TTLL11: variants seen among roughly 807,000 people sequenced by gnomAD.
TTLL11 encodes tubulin tyrosine ligase like 11, also known as tubulin polyglutamylase TTLL11.
Under a neutral mutation model 51.7 loss-of-function variants are expected in TTLL11, and 42 were observed. The ratio of observed to expected loss-of-function variants is 0.81; its 90% CI spans 0.64 to 1.05. TTLL11 has a LOEUF of 1.05. Ranked by LOEUF, TTLL11 falls within the 50% of genes least tolerant of loss-of-function variation. The pLI is 0.00. For missense variants in TTLL11, 799 were observed against 940.4 expected (o/e 0.85, Z 1.97); for synonymous variants, 381 against 383.5 (o/e 0.99, Z 0.08).
intron 6 of TTLL11, among the ~76,000 whole-genome samples, chr9:121,915,610 C>T (rs1024516483): frequency 6.6e-6 from 1 of 152,098 alleles, no homozygotes; most frequent in South Asian, 2.1e-4. Flanking sequence ...TATTTCCCAG[C>T]TCAATATATC....
chr9:121,987,853 C>T (rs1037099087), intron 4 of TTLL11, among the ~76,000 whole-genome samples: 1 of 152,050 alleles, frequency 6.6e-6, no homozygotes, highest in African/African-American at 2.4e-5. Context: ...CTTTGGTCAC[C>T]ATTTGCTGAT....
At chr9:122,072,553 C>T (rs10116706) in intron 1 of TTLL11, among the ~76,000 whole-genome samples, 6,234 of 152,066 alleles carry the variant, frequency 0.041, 151 homozygotes, top group African/African-American at 0.065. Flanking sequence ...CTGAGGCAGG[C>T]GAATTGCTTG....
intron 6 of TTLL11, among the ~76,000 whole-genome samples, chr9:121,922,335 C>T (rs1469246660): frequency 6.6e-6 from 1 of 152,168 alleles, no homozygotes; most frequent in Non-Finnish European, 1.5e-5. Flanking sequence ...TCATCTGTGG[C>T]CCTGGTGCCA....
chr9:121,861,988 C>T (rs1252302651), intron 7 of TTLL11, among the ~76,000 whole-genome samples: 1 of 152,122 alleles, frequency 6.6e-6, no homozygotes, highest in Non-Finnish European at 1.5e-5. Context: ...GTTCCTTGTT[C>T]CTGACTTTAG....
At chr9:122,073,091 T>A (rs1228320081) in intron 1 of TTLL11, among the ~76,000 whole-genome samples, 1 of 152,190 alleles carries the variant, frequency 6.6e-6, no homozygotes, top group Non-Finnish European at 1.5e-5. Flanking sequence ...AAGACAGATG[T>A]GGCCCTTGCA....
chr9:121,895,976 GTCT>G (rs1839502313), intron 6 of TTLL11, among the ~76,000 whole-genome samples: 1 of 48,516 alleles, frequency 2.1e-5, no homozygotes, highest in Admixed American at 2.2e-4. Context: ...GTGGGTGTGT[GTCT>G]GTGGTGGGTG....
intron 3 of TTLL11, among the ~76,000 whole-genome samples, chr9:122,008,775 C>A (rs185959412): frequency 6.6e-6 from 1 of 152,280 alleles, no homozygotes; most frequent in East Asian, 1.9e-4. Flanking sequence ...TTTGCGATAG[C>A]CAAGATACGG....
intron 8 of TTLL11, among the ~76,000 whole-genome samples, chr9:121,833,269 C>A (rs1289514281): frequency 6.6e-6 from 1 of 152,174 alleles, no homozygotes; most frequent in Non-Finnish European, 1.5e-5. Context: ...TCACCTGAGA[C>A]CGCCTCTTGG....
chr9:121,993,673 G>C (rs1769492784), intron 3 of TTLL11, among the ~76,000 whole-genome samples: 2 of 152,256 alleles, frequency 1.3e-5, no homozygotes, highest in Admixed American at 6.5e-5. Flanking sequence ...ATTTGGGTCT[G>C]AGATTTATGA....
chr9:121,826,355 G>T, intron 8 of TTLL11, among the ~76,000 whole-genome samples: 1 of 120,018 alleles, frequency 8.3e-6, no homozygotes, highest in Non-Finnish European at 1.7e-5. Flanking sequence ...TTATATATAT[G>T]GTAAAACCCA....
chr9:121,823,603 A>G (rs1036944558), intron 8 of TTLL11, among the ~76,000 whole-genome samples: 1 of 152,214 alleles, frequency 6.6e-6, no homozygotes, highest in African/African-American at 2.4e-5. Flanking sequence ...GAACAAGGTT[A>G]TGAAGATATG....
intron 6 of TTLL11, among the ~76,000 whole-genome samples, chr9:121,961,960 G>T (rs1842242523): frequency 6.6e-6 from 1 of 152,136 alleles, no homozygotes; most frequent in African/African-American, 2.4e-5. Flanking sequence ...GGAGGCTGAG[G>T]CAGGAGAACC....
chr9:121,870,693 G>T lies in TTLL11; in HGVS notation c.1537C>A (p.Leu513Met). The T allele has an allele frequency of 6.4e-7, 1 of 1,551,538 alleles. No individual in the cohort carries two copies. The highest frequency in any genetic ancestry group is 8.7e-7 in the Non-Finnish European group (1 of 1,146,848). The change falls in exon 7 of 9, where the codon CTG (leucine) becomes ATG (methionine). Residue 513 changes from leucine (L) to methionine (M), a missense_variant. By Grantham distance (15) the Leu-to-Met change is conservative. Transcript: ENST00000321582. ...GCGTTGCAGTCTGGAGCACTGGTCAGCTCGCCGTCCAAAGCATCTTCCTTT... is the reference window on the plus strand; with the variant it reads ...GCGTTGCAGTCTGGAGCACTGGTCATCTCGCCGTCCAAAGCATCTTCCTTT... ...AGKEDALDGE[L>M]TSAPDCNANP...
At position 121,903,344 on chromosome 9, in the gene TTLL11, T is replaced by C. The variant is rs145323006; in HGVS notation, c.1482-32596A>G. Reference sequence around the variant, plus strand: ...TGGGTTTTTTAGAACACAGAAATTCTGAGGGCATGGGAAGAACACTTAGCT... The same window carrying C: ...TGGGTTTTTTAGAACACAGAAATTCCGAGGGCATGGGAAGAACACTTAGCT... On this transcript the variant is annotated intron_variant, in intron 6 of 8. Transcript: ENST00000321582. 2.3e-3 allele frequency among the ~76,000 whole-genome samples: 350 copies of C among 152,322 alleles called. 2 individuals are homozygous for C. The highest frequency in any genetic ancestry group is 8.0e-3 in the African/African-American group (332 of 41,572).
intron 8 of TTLL11, among the ~76,000 whole-genome samples, chr9:121,828,236 G>C (rs956560600): frequency 6.8e-6 from 1 of 146,618 alleles, no homozygotes; most frequent in Non-Finnish European, 1.5e-5. Flanking sequence ...ACAGTGGTGA[G>C]ATCTCGGCTC....
At chr9:121,850,528 T>C (rs1307896879) in intron 8 of TTLL11, among the ~76,000 whole-genome samples, 4 of 151,218 alleles carry the variant, frequency 2.6e-5, no homozygotes, top group African/African-American at 4.9e-5. Context: ...CCCAGCTCCA[T>C]GAGGGAGCAG....
At chr9:121,926,798 C>G (rs1840751804) in intron 6 of TTLL11, among the ~76,000 whole-genome samples, 1 of 150,832 alleles carries the variant, frequency 6.6e-6, no homozygotes, top group South Asian at 2.1e-4. Flanking sequence ...TTCACCCACT[C>G]TGGCTGTTAA....
intron 4 of TTLL11, among the ~76,000 whole-genome samples, chr9:121,980,497 C>T (rs1842804135): frequency 6.6e-6 from 1 of 152,226 alleles, no homozygotes; most frequent in African/African-American, 2.4e-5. Context: ...TCCAGCAGCT[C>T]TGCAGTTGAA....
intron 6 of TTLL11, among the ~76,000 whole-genome samples, chr9:121,959,250 A>G (rs1370593429): frequency 6.6e-6 from 1 of 152,094 alleles, no homozygotes; most frequent in Non-Finnish European, 1.5e-5. Context: ...CACATTTGCC[A>G]CCGAAATCAC....
Sources: allele counts gnomAD v4.1 joint callset (sites outside exome capture counted in the v4.1 genomes callset), GRCh38; gene constraint gnomAD v4.1.1; transcripts MANE v1.5; gene names NCBI Gene and HGNC (gene_info 2026-07-23, HGNC 2026-07-21).